Variants in CHST11 observed in about 807,000 individuals in gnomAD.
The protein encoded by CHST11 is carbohydrate sulfotransferase 11.
A neutral mutation model predicts 30.4 loss-of-function variants in CHST11; 9 were observed. The observed-to-expected ratio is 0.30, with a 90% CI of 0.18 to 0.52. The LOEUF (loss-of-function observed/expected upper bound fraction) is 0.52, where lower values mean the gene tolerates loss of function less well. Among genes scored for constraint, CHST11 ranks in the 20% least tolerant of loss-of-function variants. The pLI is 0.97. For missense variants in CHST11, 348 were observed against 460.6 expected, an observed-to-expected ratio of 0.76 and a Z score of 2.24; for synonymous variants, 152 against 187.8, an observed-to-expected ratio of 0.81 and a Z score of 1.56.
At chr12:104,469,193 G>A (rs949385577) in intron 1 of CHST11, among the ~76,000 whole-genome samples, 13 of 152,140 alleles carry the variant, frequency 8.5e-5, no homozygotes, top group Non-Finnish European at 1.5e-4. Flanking sequence ...TAAGTGTGAG[G>A]CTCCTGTGAA....
chr12:104,703,671 A>G (rs554447363), intron 2 of CHST11, among the ~76,000 whole-genome samples: 132 of 152,366 alleles, frequency 8.7e-4, no homozygotes, highest in African/African-American at 3.0e-3. Context: ...GTGAAAGCTC[A>G]GAGCCTCCTT....
chr12:104,532,721 T>C (rs1795854), intron 1 of CHST11, among the ~76,000 whole-genome samples: 84,997 of 151,998 alleles, frequency 0.56, 24,743 homozygotes, highest in East Asian at 0.97. Flanking sequence ...GTGCCAGCCA[T>C]TGATGAGACA....
At chr12:104,536,928 G>A (rs1025446971) in intron 1 of CHST11, among the ~76,000 whole-genome samples, 2 of 152,142 alleles carry the variant, frequency 1.3e-5, no homozygotes, top group Non-Finnish European at 2.9e-5. Context: ...TGTACCTTAA[G>A]ATCCTTGATC....
At chr12:104,724,246 TCTGACGGCACCCGGAGTAGTCAGGATGC>T (rs1420798264) in intron 2 of CHST11, among the ~76,000 whole-genome samples, 18 of 152,082 alleles carry the variant, frequency 1.2e-4, no homozygotes, top group Admixed American at 3.3e-4. Flanking sequence ...TTACCATGTA[TCTGACGGCACCCGGAGTAGTCAGGATGC>T]CTCAGGAGGA....
intron 2 of CHST11, among the ~76,000 whole-genome samples, chr12:104,625,385 A>G (rs781194960): frequency 2.6e-5 from 4 of 151,916 alleles, no homozygotes; most frequent in African/African-American, 4.8e-5. Flanking sequence ...GGTCACTGCA[A>G]CCTCTGCCTC....
At chr12:104,500,594 G>A (rs1312700934) in intron 1 of CHST11, among the ~76,000 whole-genome samples, 1 of 152,154 alleles carries the variant, frequency 6.6e-6, no homozygotes, top group Admixed American at 6.5e-5. Flanking sequence ...GAACAAATAG[G>A]CAAGGGATTT....
intron 2 of CHST11, among the ~76,000 whole-genome samples, chr12:104,652,559 G>A (rs927061303): frequency 2.0e-5 from 3 of 152,204 alleles, no homozygotes; most frequent in African/African-American, 7.2e-5. Flanking sequence ...GATTTGGAAT[G>A]GTTTAGATGC....
chr12:104,575,928 C>G (rs1158885723), intron 1 of CHST11, among the ~76,000 whole-genome samples: 1 of 151,830 alleles, frequency 6.6e-6, no homozygotes, highest in African/African-American at 2.4e-5. Context: ...TTCTTGTCTT[C>G]TATTGTTAGA....
intron 2 of CHST11, among the ~76,000 whole-genome samples, chr12:104,606,517 A>G (rs1341233891): frequency 6.6e-6 from 1 of 152,168 alleles, no homozygotes; most frequent in Non-Finnish European, 1.5e-5. Flanking sequence ...TTTTTTAGTT[A>G]AGTTAACTGA....
intron 2 of CHST11, among the ~76,000 whole-genome samples, chr12:104,710,537 A>G (rs1286761033): frequency 6.6e-6 from 1 of 152,102 alleles, no homozygotes; most frequent in Non-Finnish European, 1.5e-5. Flanking sequence ...GACAGGCCCA[A>G]GCATGACCCC....
chr12:104,683,500 C>T lies in CHST11; in HGVS notation c.205-73449C>T, dbSNP rs531534245. ...AGCTGTGGCTACACTGAACAATTTT[C>T]CTGTAGTGGTTGGGAGCAACTTTGT... On this transcript the variant is annotated intron_variant, in intron 2 of 2. Coordinates refer to ENST00000303694, the MANE Select transcript of CHST11 (RefSeq NM_018413.6). Among the ~76,000 whole-genome samples the T allele has an allele frequency of 3.9e-5, 6 of 152,192 alleles. No homozygotes were observed. In the South Asian group the frequency reaches 1.0e-3, roughly 26 times the overall value.
At chr12:104,538,416 T>C (rs959922482) in intron 1 of CHST11, among the ~76,000 whole-genome samples, 11 of 152,232 alleles carry the variant, frequency 7.2e-5, no homozygotes, top group Admixed American at 4.6e-4. Flanking sequence ...ATGTTGACCT[T>C]CGTCTCTTGG....
chr12:104,528,800 C>T (rs578228124), intron 1 of CHST11, among the ~76,000 whole-genome samples: 2 of 152,292 alleles, frequency 1.3e-5, no homozygotes, highest in Admixed American at 6.5e-5. Flanking sequence ...TGGCCATTTT[C>T]GATCCAATGT....
At chr12:104,531,876 A>G (rs1263779383) in intron 1 of CHST11, among the ~76,000 whole-genome samples, 1 of 152,192 alleles carries the variant, frequency 6.6e-6, no homozygotes, top group Non-Finnish European at 1.5e-5. Context: ...GACCATGACT[A>G]TGGTTGTTTG....
At chr12:104,519,658 T>TG (rs1279695707) in intron 1 of CHST11, among the ~76,000 whole-genome samples, 6 of 152,208 alleles carry the variant, frequency 3.9e-5, no homozygotes, top group African/African-American at 1.4e-4. Flanking sequence ...GGGAGCCGGT[T>TG]ATTATGGCCC....
intron 2 of CHST11, among the ~76,000 whole-genome samples, chr12:104,700,763 TTGGGAGAATGGCATAA>T (rs2039985329): frequency 6.6e-6 from 1 of 152,180 alleles, no homozygotes; most frequent in Non-Finnish European, 1.5e-5. Context: ...GGGAAGCTTT[TTGGGAGAATGGCATAA>T]TGAAAGGATT....
intron 2 of CHST11, among the ~76,000 whole-genome samples, chr12:104,659,627 A>G (rs1246570607): frequency 6.6e-6 from 1 of 152,210 alleles, no homozygotes; most frequent in Non-Finnish European, 1.5e-5. Context: ...TTATGTTGAA[A>G]TGAAAATGTT....
At chr12:104,494,840 T>C (rs958534047) in intron 1 of CHST11, among the ~76,000 whole-genome samples, 1 of 152,224 alleles carries the variant, frequency 6.6e-6, no homozygotes, top group Non-Finnish European at 1.5e-5. Context: ...ATGTAAACTT[T>C]ACCATTTTAA....
At chr12:104,689,212 A>C (rs1210866415) in intron 2 of CHST11, among the ~76,000 whole-genome samples, 1 of 152,192 alleles carries the variant, frequency 6.6e-6, no homozygotes, top group Non-Finnish European at 1.5e-5. Context: ...TTTAAGACCA[A>C]AATAAACCTT....
Sources: gnomAD v4.1 joint callset for allele counts (sites outside exome capture counted in the v4.1 genomes callset) on GRCh38, gnomAD v4.1.1 for gene constraint, MANE v1.5 for transcripts, NCBI Gene and HGNC (gene_info 2026-07-23, HGNC 2026-07-21) for gene names.